Variants in SULT6B1 observed in about 807,000 individuals in gnomAD.
The protein encoded by SULT6B1 is sulfotransferase 6B1.
A neutral mutation model predicts 37.2 loss-of-function variants in SULT6B1; 44 were observed. The ratio of observed to expected loss-of-function variants is 1.18; its 90% CI spans 0.93 to 1.52. The LOEUF (loss-of-function observed/expected upper bound fraction) is 1.52. Among genes scored for constraint, SULT6B1 ranks in the 40% most tolerant of loss-of-function variants. The pLI, the probability that SULT6B1 is intolerant of heterozygous loss-of-function variation, is 0.00. For synonymous variants in SULT6B1, 140 were observed against 126.0 expected, an observed-to-expected ratio of 1.11 and a Z score of -0.74; for missense variants, 450 against 361.0, an observed-to-expected ratio of 1.25 and a Z score of -2.00.
upstream of SULT6B1, among the ~76,000 whole-genome samples, chr2:37,191,957 G>A (rs1676788820): frequency 6.6e-6 from 1 of 152,150 alleles, no homozygotes; most frequent in Non-Finnish European, 1.5e-5. Context: ...AGACACCATT[G>A]CCCAAGGTGG....
At chr2:37,187,255 T>C (rs1478858920) in intron 2 of SULT6B1, 100 bp downstream of exon 2, 1 of 750,218 alleles carries the variant, frequency 1.3e-6, no homozygotes, top group Non-Finnish European at 2.3e-6. Flanking sequence ...GTGGTAATTA[T>C]TAGCATTGCA....
At chr2:37,171,109 C>G (rs879705941) in intron 6 of SULT6B1, among the ~76,000 whole-genome samples, 27 of 152,144 alleles carry the variant, frequency 1.8e-4, no homozygotes, top group Middle Eastern at 3.4e-3. Context: ...TGTGGTGGCA[C>G]GCGCCTGTTA....
chr2:37,190,230 A>G (rs1432832327), upstream of SULT6B1, among the ~76,000 whole-genome samples: 2 of 152,166 alleles, frequency 1.3e-5, no homozygotes, highest in African/African-American at 2.4e-5. Context: ...ATAAATGTAG[A>G]CTGTATATTT....
intron 6 of SULT6B1, among the ~76,000 whole-genome samples, chr2:37,170,798 G>A (rs1676279534): frequency 6.6e-6 from 1 of 151,300 alleles, no homozygotes; most frequent in Admixed American, 6.6e-5. Flanking sequence ...ATTTAAAGGG[G>A]GCTCACTCAG....
chr2:37,189,101 G>A (rs1472717965), upstream of SULT6B1, among the ~76,000 whole-genome samples: 2 of 152,150 alleles, frequency 1.3e-5, no homozygotes, highest in African/African-American at 4.8e-5. Flanking sequence ...GTGGAAAAGA[G>A]ACCAGATTTG....
At chr2:37,177,958 C>G (rs1249510838) in intron 4 of SULT6B1, among the ~76,000 whole-genome samples, 1 of 152,118 alleles carries the variant, frequency 6.6e-6, no homozygotes, top group African/African-American at 2.4e-5. Context: ...CTCAAAAGAG[C>G]CACTAAAAAA....
intron 4 of SULT6B1, among the ~76,000 whole-genome samples, chr2:37,177,368 T>C (rs115623728): frequency 0.025 from 3,514 of 143,346 alleles, 65 homozygotes; most frequent in Middle Eastern, 0.064. Flanking sequence ...CAGTGAGCCT[T>C]GCCGCTACAC....
At chr2:37,172,092 G>C (rs1303185297) in intron 5 of SULT6B1, among the ~76,000 whole-genome samples, 1 of 149,622 alleles carries the variant, frequency 6.7e-6, no homozygotes, top group African/African-American at 2.5e-5. Flanking sequence ...CTGCTGCCCA[G>C]ACTAGAGTGG....
intron 5 of SULT6B1, among the ~76,000 whole-genome samples, chr2:37,173,678 C>T (rs1203356693): frequency 6.6e-6 from 1 of 152,312 alleles, no homozygotes; most frequent in African/African-American, 2.4e-5. Flanking sequence ...GACTTCTCTC[C>T]TTGTCTTGCC....
At chr2:37,187,646 GC>G (rs1257505484) in intron 1 of SULT6B1, among the ~76,000 whole-genome samples, 179 bp from the exon 2 acceptor site, 1 of 152,156 alleles carries the variant, frequency 6.6e-6, no homozygotes, top group Non-Finnish European at 1.5e-5. Flanking sequence ...ATTGAAAACA[GC>G]ATTTACCTAT....
At chr2:37,172,041 A>G (rs114274745) in intron 5 of SULT6B1, among the ~76,000 whole-genome samples, 2,508 of 136,294 alleles carry the variant, frequency 0.018, 53 homozygotes, top group East Asian at 0.068. Flanking sequence ...AATCATAAAA[A>G]CTTGAAGAAT....
At chr2:37,187,260 A>C in intron 2 of SULT6B1, 95 bp downstream of exon 2, 1 of 793,496 alleles carries the variant, frequency 1.3e-6, no homozygotes, top group Non-Finnish European at 2.1e-6. Flanking sequence ...AATTATTAGC[A>C]TTGCACTTTC....
upstream of SULT6B1, among the ~76,000 whole-genome samples, chr2:37,191,512 G>T (rs181372394): frequency 6.6e-6 from 1 of 152,184 alleles, no homozygotes. Context: ...ACGAGCAGGA[G>T]GCAGAGGATC....
chr2:37,193,559 A>G (rs1195819657), upstream of SULT6B1, among the ~76,000 whole-genome samples: 1 of 149,350 alleles, frequency 6.7e-6, no homozygotes, highest in Non-Finnish European at 1.5e-5. Flanking sequence ...GTCTATAGAC[A>G]TTTACCAAAA....
At chr2:37,187,120 TAGTCCCTTGACCTTGGGCA>T (rs1676690649) in intron 2 of SULT6B1, among the ~76,000 whole-genome samples, 1 of 152,252 alleles carries the variant, frequency 6.6e-6, no homozygotes, top group Non-Finnish European at 1.5e-5. Context: ...TATCATTTAT[TAGTCCCTTGACCTTGGGCA>T]AGTCCCTAGC....
chr2:37,191,635 G>A (rs921924436), upstream of SULT6B1, among the ~76,000 whole-genome samples: 1 of 152,216 alleles, frequency 6.6e-6, no homozygotes, highest in East Asian at 1.9e-4. Flanking sequence ...GCAGAGAAGA[G>A]TTTTATTGAA....
In SULT6B1 at chr2:37,167,960, T is replaced by C. The variant is rs45495394; in HGVS notation, c.887A>G (p.Lys296Arg). 22,377 of 1,598,650 alleles carry C rather than the reference T, an allele frequency of 0.014. 213 individuals are homozygous for C. The highest frequency in any genetic ancestry group is 0.016 in the Non-Finnish European group (18,963 of 1,176,396). The change falls in exon 7 of 7, where the codon AAG (lysine) becomes AGG (arginine). Residue 296 changes from lysine to arginine, a missense_variant. By Grantham distance (26) the Lys-to-Arg change is conservative (BLOSUM62 2). Coordinates refer to ENST00000535679, the MANE Select transcript of SULT6B1 (RefSeq NM_001367551.1). ...TCAACCCTGGCAATATGATTCATAC[T>C]TCAACTTTGCTCCGAGGGAGGTGCC... ...LAGTSLGAKL[K>R]YESYCQG
At chr2:37,193,383 A>T (rs1374545037), upstream of SULT6B1, among the ~76,000 whole-genome samples, 3 of 151,872 alleles carry the variant, frequency 2.0e-5, no homozygotes, top group African/African-American at 7.3e-5. Flanking sequence ...AATCGCTTGA[A>T]TCCGGGAGGC....
chr2:37,175,392 T>C (rs1676405284), intron 4 of SULT6B1, among the ~76,000 whole-genome samples, 166 bp from the exon 5 acceptor site: 1 of 152,216 alleles, frequency 6.6e-6, no homozygotes, highest in Non-Finnish European at 1.5e-5. Context: ...ATCAGTCCCA[T>C]TGTCTAAATT....
Sources: allele counts gnomAD v4.1 joint callset (sites outside exome capture counted in the v4.1 genomes callset), GRCh38; gene constraint gnomAD v4.1.1; transcripts MANE v1.5; gene names NCBI Gene and HGNC (gene_info 2026-07-23, HGNC 2026-07-21).